Variants in DGKI observed in about 807,000 individuals in gnomAD.
DGKI encodes DAG kinase iota.
In DGKI, 55 loss-of-function variants were observed where a neutral mutation model predicts 147.5. That is an observed-to-expected ratio of 0.37 (90% CI 0.30 to 0.47). DGKI has a LOEUF of 0.47. DGKI is among the 20% of genes least tolerant of loss of function. The pLI is 1.00. For missense variants in DGKI, 1,007 were observed against 1,323.8 expected, an observed-to-expected ratio of 0.76 and a Z score of 3.71; for synonymous variants, 469 against 477.1, an observed-to-expected ratio of 0.98 and a Z score of 0.22.
intron 8 of DGKI, among the ~76,000 whole-genome samples, chr7:137,617,517 A>G (rs1041114285): frequency 8.5e-5 from 13 of 152,310 alleles, no homozygotes; most frequent in South Asian, 4.1e-4. Flanking sequence ...TTACAGAAGC[A>G]TAATGAAGTG....
intron 10 of DGKI, among the ~76,000 whole-genome samples, chr7:137,604,412 T>G (rs1252752951): frequency 6.6e-6 from 1 of 152,206 alleles, no homozygotes; most frequent in East Asian, 1.9e-4. Flanking sequence ...AGTTATTTAC[T>G]CTTTCTGTCT....
At chr7:137,641,932 C>T (rs1270227870) in intron 6 of DGKI, among the ~76,000 whole-genome samples, 1 of 152,210 alleles carries the variant, frequency 6.6e-6, no homozygotes, top group Non-Finnish European at 1.5e-5. Context: ...TAGCCATAAT[C>T]ATTACTATAT....
intron 20 of DGKI, among the ~76,000 whole-genome samples, chr7:137,524,137 A>G (rs1180825244): frequency 2.7e-5 from 4 of 146,280 alleles, no homozygotes; most frequent in Non-Finnish European, 5.9e-5. Flanking sequence ...AAACCAGAGA[A>G]CACTGGGCAG....
At chr7:137,725,041 C>A (rs1177037350) in intron 1 of DGKI, among the ~76,000 whole-genome samples, 1 of 152,070 alleles carries the variant, frequency 6.6e-6, no homozygotes, top group African/African-American at 2.4e-5. Flanking sequence ...GCTCTTTATA[C>A]AGAGGTGAGA....
At chr7:137,800,227 T>C (rs972439570) in intron 1 of DGKI, among the ~76,000 whole-genome samples, 1 of 152,112 alleles carries the variant, frequency 6.6e-6, no homozygotes, top group Non-Finnish European at 1.5e-5. Context: ...ACCAGCCAAA[T>C]GGGTTCTCAC....
At chr7:137,642,045 T>C (rs1821645409) in intron 6 of DGKI, among the ~76,000 whole-genome samples, 2 of 74,074 alleles carry the variant, frequency 2.7e-5, no homozygotes, top group Non-Finnish European at 6.3e-5. Flanking sequence ...CAGAGACATG[T>C]TTACAGCAAA....
intron 1 of DGKI, among the ~76,000 whole-genome samples, chr7:137,714,256 T>G (rs1794306898): frequency 6.6e-6 from 1 of 152,222 alleles, no homozygotes; most frequent in Non-Finnish European, 1.5e-5. Context: ...GATCTAAAAT[T>G]TTAACATTAT....
chr7:137,613,267 T>C (rs1462342872), intron 8 of DGKI, among the ~76,000 whole-genome samples: 1 of 152,018 alleles, frequency 6.6e-6, no homozygotes, highest in Non-Finnish European at 1.5e-5. Flanking sequence ...TGGTAGACAG[T>C]AGGAGAGAGA....
In DGKI at chr7:137,616,389, C is replaced by T. The variant is rs151049822; in HGVS notation, c.993+3435G>A. ...TTACTACATTGTCCTGAATCATAGA[C>T]GGTAATAAAAAGGCACATGTTGAAT... On this transcript the variant is annotated intron_variant, in intron 8 of 32. Transcript: ENST00000614521. Among the ~76,000 whole-genome samples the T allele has an allele frequency of 1.5e-3, 230 of 152,182 alleles. 1 individual carries two copies. Among genetic ancestry groups the T allele is most frequent in the Middle Eastern group, 0.014 (4 of 294 alleles).
At chr7:137,686,910 G>A (rs2116438838) in intron 2 of DGKI, among the ~76,000 whole-genome samples, 1 of 152,264 alleles carries the variant, frequency 6.6e-6, no homozygotes, top group Middle Eastern at 3.4e-3. Context: ...GAAACTTGGG[G>A]ACTAAGATCC....
intron 30 of DGKI, among the ~76,000 whole-genome samples, chr7:137,407,110 T>C: frequency 6.6e-6 from 1 of 152,210 alleles, no homozygotes; most frequent in Admixed American, 6.5e-5. Context: ...TCATTCCTTC[T>C]CATTTAAAAC....
chr7:137,689,799 T>C (rs969847635), intron 2 of DGKI, 95 bp downstream of exon 2: 14 of 848,604 alleles, frequency 1.6e-5, no homozygotes, highest in Non-Finnish European at 8.5e-6. Flanking sequence ...TTGAAAATTA[T>C]TAAGCAAGTC....
chr7:137,512,256 T>A lies in DGKI; in HGVS notation c.2248+9610A>T, dbSNP rs547299159. Among the ~76,000 whole-genome samples the A allele has an allele frequency of 4.6e-5, 7 of 152,298 alleles. No individual in the cohort carries two copies. In the South Asian group the frequency reaches 1.4e-3, roughly 32 times the overall value. On this transcript the variant is annotated intron_variant, in intron 21 of 32. Transcript: ENST00000614521. ...AGCAATGTAACCCTGTGCAAGGCAA[T>A]CTTAAGTGTCCTTGTAATGATGCAT...
intron 21 of DGKI, among the ~76,000 whole-genome samples, chr7:137,516,307 A>G (rs1224551223): frequency 6.6e-6 from 1 of 152,118 alleles, no homozygotes; most frequent in Non-Finnish European, 1.5e-5. Context: ...AAAACTAAAC[A>G]TTTATTATAT....
chr7:137,609,550 A>G lies in DGKI; in HGVS notation c.1053T>C (p.Ser351=), dbSNP rs141647175. 1.9e-6 allele frequency: 3 copies of G among 1,612,292 alleles called. No homozygotes were observed. The highest frequency in any genetic ancestry group is 2.5e-6 in the Non-Finnish European group (3 of 1,178,686). Residue 351 remains serine (S), a synonymous_variant, in exon 9 of 33, where the codon AGT becomes AGC. Transcript: ENST00000614521. ...KKRTSFKRKA[S]KRGMEQENKG... ...AAACACTTACTTCCATCCCTCTTTTACTGGCTTTTCTTTTAAAGCTTGTTC... is the reference window on the plus strand; with the variant it reads ...AAACACTTACTTCCATCCCTCTTTTGCTGGCTTTTCTTTTAAAGCTTGTTC...
chr7:137,535,786 T>C (rs192051466), intron 20 of DGKI, among the ~76,000 whole-genome samples: 13 of 152,274 alleles, frequency 8.5e-5, no homozygotes, highest in African/African-American at 2.4e-4. Context: ...TTTACATAAG[T>C]GGACTGATTG....
At chr7:137,630,704 G>T (rs1411427077) in intron 6 of DGKI, among the ~76,000 whole-genome samples, 1 of 152,048 alleles carries the variant, frequency 6.6e-6, no homozygotes, top group African/African-American at 2.4e-5. Flanking sequence ...ATTTCATATT[G>T]CTATGACTAT....
At position 137,585,215 on chromosome 7, in the gene DGKI, T is replaced by C. The variant is rs1362242736; in HGVS notation, c.1557A>G (p.Val519=). 1.2e-6 allele frequency: 2 copies of C among 1,614,152 alleles called. No individual in the cohort carries two copies. Among genetic ancestry groups the C allele is most frequent in the South Asian group, 1.1e-5 (1 of 91,082 alleles). Residue 519 remains valine (V), a synonymous_variant, in exon 14 of 33, where the codon GTA becomes GTG. Transcript: ENST00000614521. ...GAACAAAAAACTCTCTAACCTTACA[T>C]ACGCCATCTTCAAGTTCTTCTGGAG... The part of the protein sequence containing the change: ...DLPPEELEDG[V]CKLPLNVFNN...
intron 30 of DGKI, among the ~76,000 whole-genome samples, chr7:137,406,138 A>T (rs779789964): frequency 4.6e-5 from 7 of 152,026 alleles, no homozygotes; most frequent in Non-Finnish European, 1.0e-4. Flanking sequence ...GGTAAAGGGT[A>T]AACTAAAGAG....
Sources: allele counts gnomAD v4.1 joint callset (sites outside exome capture counted in the v4.1 genomes callset), GRCh38; gene constraint gnomAD v4.1.1; transcripts MANE v1.5; gene names NCBI Gene and HGNC (gene_info 2026-07-23, HGNC 2026-07-21).